Variants in SERPINB5 observed in about 807,000 individuals in gnomAD.
SERPINB5 encodes serpin family B member 5, also known as serpin B5.
SERPINB5 carries 27 observed loss-of-function variants against 32.2 expected under a neutral mutation model. The observed-to-expected ratio is 0.84, with a 90% CI of 0.62 to 1.16. The LOEUF is 1.16. Among genes scored for constraint, SERPINB5 ranks in the 50% most tolerant of loss-of-function variants. SERPINB5 has a pLI of 0.00. For synonymous variants in SERPINB5, 154 were observed against 157.4 expected (o/e 0.98, Z 0.16); for missense variants, 388 against 436.3 (o/e 0.89, Z 0.99).
chr18:63,497,704 A>T (rs946885639), intron 5 of SERPINB5, among the ~76,000 whole-genome samples: 1 of 152,188 alleles, frequency 6.6e-6, no homozygotes, highest in African/African-American at 2.4e-5. Context: ...TTTTGCCTTA[A>T]TTATTTCAGA....
chr18:63,491,718 A>C (rs1218571144), intron 4 of SERPINB5, among the ~76,000 whole-genome samples: 2 of 151,526 alleles, frequency 1.3e-5, no homozygotes, highest in Non-Finnish European at 2.9e-5. Context: ...CAGGTGATCC[A>C]CCCGCCTCAG....
intron 6 of SERPINB5, among the ~76,000 whole-genome samples, chr18:63,501,863 C>T (rs1056273462): frequency 1.3e-5 from 2 of 151,816 alleles, no homozygotes; most frequent in African/African-American, 2.4e-5. Flanking sequence ...TGTCTGTTCA[C>T]ATCCTTTGCC....
intron 5 of SERPINB5, 65 bp from the exon 6 acceptor site, chr18:63,499,055 A>ATATATATATC: frequency 1.4e-6 from 1 of 711,434 alleles, no homozygotes. Flanking sequence ...GTGTATATAT[A>ATATATATATC]TATATATATA....
At chr18:63,484,675 GA>G in intron 2 of SERPINB5, 79 bp downstream of exon 2, 2 of 1,306,600 alleles carry the variant, frequency 1.5e-6, no homozygotes, top group Non-Finnish European at 2.1e-6. Flanking sequence ...CGGAAAAAAG[GA>G]ATGTAGACTT....
rs1599387742 is a variant in SERPINB5 at position 63,484,578 on chromosome 18, T to C, written c.150T>C (p.Thr50=). 1.2e-6 allele frequency: 2 copies of C among 1,613,346 alleles called. No individual in the cohort carries two copies. The highest frequency in any genetic ancestry group is 1.7e-6 in the Non-Finnish European group (2 of 1,179,820). ...SLAQVGAKGD[T]ANEIGQVLHF... ...CTCAAGTGGGTGCTAAAGGTGACAC[T>C]GCAAATGAAATTGGACAGGTAAGCC... is the stretch of plus-strand genomic sequence containing the variant. Residue 50 remains threonine (T), a synonymous_variant, in exon 2 of 7, where the codon ACT becomes ACC. Coordinates refer to ENST00000382771, the MANE Select transcript of SERPINB5 (RefSeq NM_002639.5).
chr18:63,493,817 C>T (rs1213622273), intron 5 of SERPINB5: 1 of 154,004 alleles, frequency 6.5e-6, no homozygotes, highest in Non-Finnish European at 1.4e-5. Flanking sequence ...GACTGCACCA[C>T]TGCACTCCAG....
chr18:63,501,914 G>GT (rs1909578265), intron 6 of SERPINB5, among the ~76,000 whole-genome samples: 1 of 152,096 alleles, frequency 6.6e-6, no homozygotes, highest in Admixed American at 6.5e-5. Context: ...TTGTAAATTT[G>GT]TTTGAGTTCT....
intron 6 of SERPINB5, among the ~76,000 whole-genome samples, chr18:63,501,727 A>G (rs1173149522): frequency 6.6e-6 from 1 of 152,142 alleles, no homozygotes; most frequent in Non-Finnish European, 1.5e-5. Context: ...CTTTTTAATG[A>G]TCGCCATTCT....
chr18:63,491,578 G>C (rs1422463664), intron 4 of SERPINB5, among the ~76,000 whole-genome samples: 1 of 151,404 alleles, frequency 6.6e-6, no homozygotes, highest in Non-Finnish European at 1.5e-5. Context: ...AGGTTCAAGG[G>C]ATTCTCCTGT....
intron 1 of SERPINB5, among the ~76,000 whole-genome samples, chr18:63,482,186 A>G (rs1410483459): frequency 2.6e-5 from 4 of 152,198 alleles, no homozygotes; most frequent in East Asian, 1.9e-4. Context: ...AGAAATGTTT[A>G]AAGACCAGGA....
rs1202078439 is a variant in SERPINB5 at position 63,484,593 on chromosome 18, A to C, written c.165A>C (p.Gly55=). ...AAGGTGACACTGCAAATGAAATTGG[A>C]CAGGTAAGCCCCAAAACCTTGTTTC... ...GAKGDTANEI[G]QVLHFENVKD... Residue 55 remains glycine, a synonymous_variant, in exon 2 of 7, where the codon GGA becomes GGC. Transcript: ENST00000382771. 7 of 1,613,364 alleles carry C rather than the reference A, an allele frequency of 4.3e-6. No homozygotes were observed. The highest frequency in any genetic ancestry group is 5.9e-6 in the Non-Finnish European group (7 of 1,179,720).
At chr18:63,484,666 G>A (rs1917177341) in intron 2 of SERPINB5, 70 bp downstream of exon 2, 9 of 1,396,942 alleles carry the variant, frequency 6.4e-6, no homozygotes, top group Admixed American at 4.8e-5. Context: ...CAGTGCCTAC[G>A]GAAAAAAGGA....
At chr18:63,482,097 T>C (rs1449552751) in intron 1 of SERPINB5, among the ~76,000 whole-genome samples, 1 of 152,198 alleles carries the variant, frequency 6.6e-6, no homozygotes, top group Non-Finnish European at 1.5e-5. Flanking sequence ...ATGAACTCGC[T>C]TTTTCAGACT....
At chr18:63,496,703 T>A (rs1431354086) in intron 5 of SERPINB5, among the ~76,000 whole-genome samples, 1 of 152,234 alleles carries the variant, frequency 6.6e-6, no homozygotes, top group East Asian at 1.9e-4. Flanking sequence ...TTGAAATTTC[T>A]CCCCAAAGAG....
chr18:63,496,097 A>G (rs1909440180), intron 5 of SERPINB5, among the ~76,000 whole-genome samples: 1 of 150,666 alleles, frequency 6.6e-6, no homozygotes, highest in Admixed American at 6.7e-5. Context: ...TTTCTGGGGT[A>G]GATAGTCTTT....
At chr18:63,497,552 A>T (rs978200453) in intron 5 of SERPINB5, among the ~76,000 whole-genome samples, 1 of 152,072 alleles carries the variant, frequency 6.6e-6, no homozygotes, top group Non-Finnish European at 1.5e-5. Flanking sequence ...GGACTTAGAG[A>T]TAATTTTAAA....
At chr18:63,485,186 C>T (rs991065371) in intron 2 of SERPINB5, among the ~76,000 whole-genome samples, 4 of 151,906 alleles carry the variant, frequency 2.6e-5, no homozygotes, top group Admixed American at 1.3e-4. Context: ...TGAGATGTAA[C>T]CTCATCATAA....
intron 5 of SERPINB5, chr18:63,497,056 G>A (rs766458384): frequency 1.6e-5 from 9 of 570,090 alleles, no homozygotes; most frequent in African/African-American, 5.6e-5. Flanking sequence ...GGTCTAATCC[G>A]GCCTGTGTCT....
rs577577946 is a variant in SERPINB5 at position 63,499,793 on chromosome 18, CCT to C, written c.735+513_735+514del. Among the ~76,000 whole-genome samples the C allele has an allele frequency of 4.0e-3, 606 of 152,162 alleles. 3 individuals carry two copies. Among genetic ancestry groups the C allele is most frequent in the African/African-American group, 0.014 (582 of 41,512 alleles). ...TATCATGTGACCTGATGTCAAGCAT[CCT>C]CTCTCTTGCTCTTTCTTTTTTTTTA... On this transcript the variant is annotated intron_variant, in intron 6 of 6. Transcript: ENST00000382771.
Sources: gnomAD v4.1 joint callset for allele counts (sites outside exome capture counted in the v4.1 genomes callset) on GRCh38, gnomAD v4.1.1 for gene constraint, MANE v1.5 for transcripts, NCBI Gene and HGNC (gene_info 2026-07-23, HGNC 2026-07-21) for gene names.